Variants in TPST1 observed in about 807,000 individuals in gnomAD.
TPST1 encodes the protein tyrosylprotein sulfotransferase 1, also known as protein-tyrosine sulfotransferase 1.
Under a neutral mutation model 34.8 loss-of-function variants are expected in TPST1, and 20 were observed. The ratio of observed to expected loss-of-function variants is 0.57; its 90% confidence interval spans 0.40 to 0.84. The LOEUF is 0.84. Ranked by LOEUF, TPST1 falls within the 40% of genes least tolerant of loss-of-function variation. The pLI, the probability that TPST1 is intolerant of heterozygous loss-of-function variation, is 0.00. For synonymous variants in TPST1, 152 were observed against 159.4 expected, an observed-to-expected ratio of 0.95 and a Z score of 0.35; for missense variants, 353 against 455.5, an observed-to-expected ratio of 0.78 and a Z score of 2.05.
intron 2 of TPST1, among the ~76,000 whole-genome samples, chr7:66,257,700 C>T (rs1412253462): frequency 6.6e-6 from 1 of 152,172 alleles, no homozygotes; most frequent in Non-Finnish European, 1.5e-5. Flanking sequence ...GTCACACCCA[C>T]GAATCTAAGG....
intron 3 of TPST1, among the ~76,000 whole-genome samples, chr7:66,325,683 T>C (rs1005561204): frequency 1.3e-5 from 2 of 152,168 alleles, no homozygotes; most frequent in African/African-American, 4.8e-5. Flanking sequence ...TCACCCAGGC[T>C]GGAGTGCAGT....
At chr7:66,246,179 ATTTTTTTTTTTTTT>A (rs35051150) in intron 2 of TPST1, among the ~76,000 whole-genome samples, 1 of 92,396 alleles carries the variant, frequency 1.1e-5, no homozygotes, top group African/African-American at 4.2e-5. Context: ...TGCCTGGCTA[ATTTTTTTTTTTTTT>A]TTTTTTTTTT....
chr7:66,201,778 A>G (rs1789037986), upstream of TPST1, among the ~76,000 whole-genome samples: 1 of 150,888 alleles, frequency 6.6e-6, no homozygotes, highest in South Asian at 2.1e-4. Flanking sequence ...ACTTGAGCCC[A>G]GGCGTTTGAG....
At chr7:66,243,383 C>T (rs1790076992) in intron 2 of TPST1, among the ~76,000 whole-genome samples, 1 of 152,020 alleles carries the variant, frequency 6.6e-6, no homozygotes, top group Admixed American at 6.6e-5. Flanking sequence ...GAAAATCTTA[C>T]CCAGAATTCC....
chr7:66,286,825 T>TTTTTTTTTG, intron 3 of TPST1, 116 bp downstream of exon 3: 4 of 637,386 alleles, frequency 6.3e-6, no homozygotes, highest in Non-Finnish European at 8.8e-6. Context: ...ATATTTTTTT[T>TTTTTTTTTG]TTTTTTCATT....
At chr7:66,313,364 A>C (rs767188030) in intron 3 of TPST1, among the ~76,000 whole-genome samples, 1 of 152,120 alleles carries the variant, frequency 6.6e-6, no homozygotes, top group Non-Finnish European at 1.5e-5. Context: ...GCAGTGAGCC[A>C]AGATCATGCC....
intron 2 of TPST1, among the ~76,000 whole-genome samples, chr7:66,282,173 A>C (rs1475771790): frequency 6.6e-6 from 1 of 152,250 alleles, no homozygotes; most frequent in African/African-American, 2.4e-5. Context: ...CTGAAGGAAT[A>C]GGGGAGATTT....
At chr7:66,357,415 T>TGTTC (rs1458278661) in intron 5 of TPST1, among the ~76,000 whole-genome samples, 3 of 152,172 alleles carry the variant, frequency 2.0e-5, no homozygotes, top group Non-Finnish European at 4.4e-5. Flanking sequence ...CTGCAATTTT[T>TGTTC]GTTTGTTTGT....
intron 3 of TPST1, among the ~76,000 whole-genome samples, chr7:66,294,314 G>A (rs976810278): frequency 6.6e-6 from 1 of 152,006 alleles, no homozygotes; most frequent in Non-Finnish European, 1.5e-5. Context: ...AAATTCCTTG[G>A]CTTTGTCTGA....
At chr7:66,236,840 C>T (rs1218227361) in intron 1 of TPST1, among the ~76,000 whole-genome samples, 1 of 152,178 alleles carries the variant, frequency 6.6e-6, no homozygotes, top group Non-Finnish European at 1.5e-5. Context: ...TTAAGCATGG[C>T]TTTCTAGGAG....
At chr7:66,226,329 G>A (rs1025730675) in intron 1 of TPST1, among the ~76,000 whole-genome samples, 1 of 152,126 alleles carries the variant, frequency 6.6e-6, no homozygotes, top group African/African-American at 2.4e-5. Flanking sequence ...TATATGATTT[G>A]ATGAATAGTG....
Position 66,286,499 on chromosome 7 carries a change from T to A in TPST1, c.846-12T>A, listed in dbSNP as rs760277499. 1 of 1,540,888 alleles carries A rather than the reference T, an allele frequency of 6.5e-7. No homozygotes were observed. Among genetic ancestry groups the A allele is most frequent in the Non-Finnish European group, 8.7e-7 (1 of 1,144,414 alleles). On this transcript the variant is annotated splice_polypyrimidine_tract_variant and intron_variant, in intron 2 of 5. Transcript: ENST00000304842. ...TTTAAATAAATATTTATTCATATTATGTTGTTTTCAGAGTGGAGAGATCTA... is the reference window on the plus strand; with the variant it reads ...TTTAAATAAATATTTATTCATATTAAGTTGTTTTCAGAGTGGAGAGATCTA...
At chr7:66,326,532 A>C (rs1791870326) in intron 3 of TPST1, among the ~76,000 whole-genome samples, 3 of 152,236 alleles carry the variant, frequency 2.0e-5, no homozygotes, top group African/African-American at 4.8e-5. Context: ...AAATAATAGC[A>C]TTCCTGCCTG....
At chr7:66,341,646 A>T (rs559448947) in intron 3 of TPST1, among the ~76,000 whole-genome samples, 1 of 152,272 alleles carries the variant, frequency 6.6e-6, no homozygotes, top group Non-Finnish European at 1.5e-5. Flanking sequence ...ACCCATAATT[A>T]TACTCAACTC....
At chr7:66,252,124 C>T (rs1790274504) in intron 2 of TPST1, among the ~76,000 whole-genome samples, 1 of 151,840 alleles carries the variant, frequency 6.6e-6, no homozygotes, top group South Asian at 2.1e-4. Context: ...GTGGTGCGAT[C>T]TCGGCTCACT....
chr7:66,353,586 G>C (rs1044052622), intron 4 of TPST1, among the ~76,000 whole-genome samples: 3 of 152,232 alleles, frequency 2.0e-5, no homozygotes, highest in African/African-American at 7.2e-5. Flanking sequence ...CGGCTGACAT[G>C]CCTAGAGGAG....
chr7:66,317,756 T>C (rs1791664589), intron 3 of TPST1, among the ~76,000 whole-genome samples: 1 of 152,216 alleles, frequency 6.6e-6, no homozygotes, highest in Non-Finnish European at 1.5e-5. Flanking sequence ...TTCCCACTTG[T>C]TTTGTGCTTT....
At chr7:66,224,901 CTTTTTTTTTTTTTTTTT>C (rs780952403) in intron 1 of TPST1, among the ~76,000 whole-genome samples, 6 of 42,410 alleles carry the variant, frequency 1.4e-4, no homozygotes, top group East Asian at 1.6e-3. Context: ...TTCTGGTATT[CTTTTTTTTTTTTTTTTT>C]TTTTTTTTTT....
intron 1 of TPST1, among the ~76,000 whole-genome samples, chr7:66,233,985 C>T (rs1056398610): frequency 8.5e-5 from 13 of 152,310 alleles, no homozygotes; most frequent in South Asian, 2.1e-4. Context: ...CCTCAGCCTC[C>T]GGAGTAGCTG....
Sources: gnomAD v4.1 joint callset for allele counts (sites outside exome capture counted in the v4.1 genomes callset) on GRCh38, gnomAD v4.1.1 for gene constraint, MANE v1.5 for transcripts, NCBI Gene and HGNC (gene_info 2026-07-23, HGNC 2026-07-21) for gene names.